LAMC1: variants seen among roughly 807,000 people sequenced by gnomAD.
LAMC1 encodes the protein laminin subunit gamma-1.
A neutral mutation model predicts 173.6 loss-of-function variants in LAMC1; 38 were observed. The ratio of observed to expected loss-of-function variants is 0.22; its 90% CI spans 0.17 to 0.29. LAMC1 has a LOEUF of 0.29. Among genes scored for constraint, LAMC1 ranks in the 10% least tolerant of loss-of-function variants. LAMC1 has a pLI of 1.00. For synonymous variants in LAMC1, 746 were observed against 749.1 expected (o/e 1.00, Z 0.07); for missense variants, 1,824 against 2,051.8 (o/e 0.89, Z 2.14).
chr1:183,133,478 G>C lies in LAMC1; in HGVS notation c.3777G>C (p.Arg1259Ser), dbSNP rs774661726. 1 of 1,614,062 alleles carries C rather than the reference G, an allele frequency of 6.2e-7. No individual in the cohort carries two copies. Among genetic ancestry groups the C allele is most frequent in the South Asian group, 1.1e-5 (1 of 91,060 alleles). ...CCCGAGTACATGAGGAGGCCAAAAG[G>C]GCCGGTGACAAAGCTGTGGAGATCT... is the stretch of plus-strand genomic sequence containing the variant. ...QAARVHEEAKRAGDKAVEIYA... is the reference protein window; with the variant it reads ...QAARVHEEAKSAGDKAVEIYA... Residue 1259 changes from arginine (R) to serine (S), a missense_variant, in exon 22 of 28, where the codon AGG becomes AGC. Arg to Ser is a moderately radical substitution (Grantham distance 110). Coordinates refer to ENST00000258341, the MANE Select transcript of LAMC1 (RefSeq NM_002293.4).
chr1:183,025,179 T>C (rs1347580775), intron 1 of LAMC1, among the ~76,000 whole-genome samples: 3 of 152,186 alleles, frequency 2.0e-5, no homozygotes, highest in African/African-American at 7.2e-5. Flanking sequence ...GCCATTCTTC[T>C]GTCAAGGGAG....
At chr1:183,130,661 T>G (rs577603551) in intron 19 of LAMC1, 112 bp downstream of exon 19, 1 of 780,008 alleles carries the variant, frequency 1.3e-6, no homozygotes, top group South Asian at 1.7e-5. Context: ...CATGCATCTT[T>G]TTATTTGTCC....
At position 183,142,887 on chromosome 1, in the gene LAMC1, C is replaced by T. The variant is rs1264898133; in HGVS notation, c.*97C>T. ...AAAGATTACATTTTTCAGACCCCCA[C>T]TCCTCTGCTGCTGTCCATGACTGTC... On this transcript the variant is annotated 3_prime_UTR_variant, in exon 28 of 28. Coordinates refer to ENST00000258341, the MANE Select transcript of LAMC1 (RefSeq NM_002293.4). The T allele has an allele frequency of 1.6e-6, 2 of 1,278,440 alleles. No homozygotes were observed. Among genetic ancestry groups the T allele is most frequent in the East Asian group, 4.7e-5 (2 of 42,686 alleles). The allele number at this position is 1,278,440 out of a possible 1,614,324, so 79.2% of individuals were successfully genotyped here. A position where few individuals can be genotyped will look rare whatever the true frequency, so the allele number is the denominator to read the frequency against.
chr1:183,055,281 C>T (rs568606029), intron 1 of LAMC1, among the ~76,000 whole-genome samples: 9 of 151,986 alleles, frequency 5.9e-5, no homozygotes, highest in South Asian at 4.2e-4. Context: ...TGAGCCACCG[C>T]GCCCGGACAC....
At chr1:183,101,007 CAT>C (rs1446870859) in intron 1 of LAMC1, among the ~76,000 whole-genome samples, 2 of 152,192 alleles carry the variant, frequency 1.3e-5, no homozygotes, top group Non-Finnish European at 1.5e-5. Flanking sequence ...CAGCAAGAGA[CAT>C]ATGCCTGGTT....
At chr1:183,057,499 G>A (rs1037357156) in intron 1 of LAMC1, among the ~76,000 whole-genome samples, 4 of 152,174 alleles carry the variant, frequency 2.6e-5, no homozygotes, top group South Asian at 2.1e-4. Context: ...CGTGGCTTAC[G>A]CCTGTAATCT....
intron 1 of LAMC1, among the ~76,000 whole-genome samples, chr1:183,047,266 C>T (rs1453641199): frequency 6.6e-6 from 1 of 152,096 alleles, no homozygotes; most frequent in African/African-American, 2.4e-5. Context: ...CCCTAAAAAA[C>T]AAAGCAAACT....
At chr1:183,055,465 C>G (rs1464861206) in intron 1 of LAMC1, among the ~76,000 whole-genome samples, 2 of 145,540 alleles carry the variant, frequency 1.4e-5, no homozygotes, top group African/African-American at 4.9e-5. Flanking sequence ...AAAATATACC[C>G]TATTGTGTAA....
At chr1:183,125,586 G>A (rs781417031) in intron 15 of LAMC1, 36 bp downstream of exon 15, 2 of 1,457,968 alleles carry the variant, frequency 1.4e-6, no homozygotes, top group South Asian at 1.4e-5. Context: ...AGTAATCTTT[G>A]CTTTTTCTGT....
intron 14 of LAMC1, 51 bp from the exon 15 acceptor site, chr1:183,125,346 A>AT (rs768804792): frequency 1.3e-6 from 2 of 1,590,628 alleles, no homozygotes; most frequent in East Asian, 4.5e-5. Flanking sequence ...ATATTTTAGT[A>AT]TTTCTCTCAG....
chr1:183,089,374 C>T (rs1325212668), intron 1 of LAMC1, among the ~76,000 whole-genome samples: 1 of 152,228 alleles, frequency 6.6e-6, no homozygotes, highest in Non-Finnish European at 1.5e-5. Context: ...TTTTGAAGTA[C>T]TGGGAACCTG....
At chr1:183,042,887 G>A (rs1023893331) in intron 1 of LAMC1, among the ~76,000 whole-genome samples, 2 of 152,106 alleles carry the variant, frequency 1.3e-5, no homozygotes, top group African/African-American at 2.4e-5. Context: ...TATCTGCCTC[G>A]GAGGAGCACA....
In LAMC1 at chr1:183,114,271, G is replaced by A. The variant is rs576593604; in HGVS notation, c.1022-260G>A. Among the ~76,000 whole-genome samples the A allele has an allele frequency of 5.3e-5, 8 of 152,118 alleles. No individual in the cohort carries two copies. The East Asian group carries it at 7.7e-4, about 15-fold the overall frequency. ...TTTTTAGTAGAGATGGGGTTTCACC[G>A]TGTTGGCCAGGCTGGTCTCAAACTC... On this transcript the variant is annotated intron_variant, in intron 4 of 27. Coordinates refer to ENST00000258341, the MANE Select transcript of LAMC1 (RefSeq NM_002293.4).
intron 6 of LAMC1, among the ~76,000 whole-genome samples, chr1:183,115,875 T>C (rs1656304024): frequency 6.6e-6 from 1 of 152,152 alleles, no homozygotes; most frequent in African/African-American, 2.4e-5. Context: ...GACTTTAGGC[T>C]CACACCTGTA....
At chr1:183,040,397 A>G (rs1455144252) in intron 1 of LAMC1, among the ~76,000 whole-genome samples, 1 of 152,248 alleles carries the variant, frequency 6.6e-6, no homozygotes, top group Non-Finnish European at 1.5e-5. Flanking sequence ...ATGGGACAGG[A>G]AAGGCTATTG....
intron 1 of LAMC1, among the ~76,000 whole-genome samples, chr1:183,084,010 G>A (rs1442527086): frequency 6.6e-6 from 1 of 152,060 alleles, no homozygotes; most frequent in Non-Finnish European, 1.5e-5. Context: ...TTTATATGTG[G>A]GATCTTTACA....
At chr1:183,062,640 G>A (rs1163889410) in intron 1 of LAMC1, among the ~76,000 whole-genome samples, 1 of 151,872 alleles carries the variant, frequency 6.6e-6, no homozygotes, top group Non-Finnish European at 1.5e-5. Context: ...GCGAGACTCT[G>A]TCTAAAAAAA....
chr1:183,033,581 T>G (rs1653900641), intron 1 of LAMC1, among the ~76,000 whole-genome samples: 1 of 152,258 alleles, frequency 6.6e-6, no homozygotes, highest in African/African-American at 2.4e-5. Context: ...ACTTAAATAA[T>G]GGGAAGACCC....
rs187438500 is a variant in LAMC1 at position 183,085,182 on chromosome 1, C to T, written c.419-18146C>T. The stretch of plus-strand genomic sequence containing the variant: ...ACAGTGAGCTGAGATCACGCCAGTG[C>T]CCTCCAGCCTGGGCAACAGAGTGAG... On this transcript the variant is annotated intron_variant, in intron 1 of 27. Transcript: ENST00000258341. Among the ~76,000 whole-genome samples, 3 of 151,832 alleles carry T rather than the reference C, an allele frequency of 2.0e-5. No homozygotes were observed. The East Asian group carries it at 5.8e-4, about 29-fold the overall frequency.
Sources: allele counts gnomAD v4.1 joint callset (sites outside exome capture counted in the v4.1 genomes callset), GRCh38; gene constraint gnomAD v4.1.1; transcripts MANE v1.5; gene names NCBI Gene and HGNC (gene_info 2026-07-23, HGNC 2026-07-21).